CHL1: variants seen among roughly 807,000 people sequenced by gnomAD.
CHL1 encodes cell adhesion molecule L1 like, also known as neural cell adhesion molecule L1-like protein.
Under a neutral mutation model 141.9 loss-of-function variants are expected in CHL1, and 96 were observed. The observed-to-expected ratio is 0.68, with a 90% confidence interval of 0.57 to 0.80. CHL1 has a LOEUF of 0.80. Among genes scored for constraint, CHL1 ranks in the 30% least tolerant of loss-of-function variants. The pLI is 0.00. For missense variants in CHL1, 1,820 were observed against 1,457.2 expected, an observed-to-expected ratio of 1.25 and a Z score of -4.05; for synonymous variants, 613 against 502.2, an observed-to-expected ratio of 1.22 and a Z score of -2.95.
intron 8 of CHL1, among the ~76,000 whole-genome samples, chr3:343,609 A>G (rs1354197758): frequency 6.6e-6 from 1 of 152,214 alleles, no homozygotes; most frequent in Non-Finnish European, 1.5e-5. Context: ...TCTGAGTTGT[A>G]TAGCAGGCTA....
intron 2 of CHL1, among the ~76,000 whole-genome samples, chr3:257,927 T>A (rs964473042): frequency 6.6e-6 from 1 of 152,182 alleles, no homozygotes; most frequent in Non-Finnish European, 1.5e-5. Context: ...TTTGTTAACA[T>A]TGTCTCATCT....
intron 1 of CHL1, among the ~76,000 whole-genome samples, chr3:230,721 A>G (rs1300107638): frequency 1.3e-5 from 2 of 152,298 alleles, no homozygotes; most frequent in East Asian, 1.9e-4. Context: ...TTTAAAAATC[A>G]TTTTTGTATT....
intron 2 of CHL1, among the ~76,000 whole-genome samples, chr3:315,236 C>T (rs150062102): frequency 5.5e-4 from 83 of 152,278 alleles, no homozygotes; most frequent in African/African-American, 1.8e-3. Flanking sequence ...CAGCAACTAT[C>T]ACCCCAGTTT....
intron 5 of CHL1, among the ~76,000 whole-genome samples, chr3:334,585 T>C (rs994580220): frequency 6.6e-6 from 1 of 152,252 alleles, no homozygotes; most frequent in Non-Finnish European, 1.5e-5. Context: ...TGGAGGTTCA[T>C]CCATGTAGTA....
At chr3:388,117 A>G (rs1038680398) in intron 19 of CHL1, among the ~76,000 whole-genome samples, 1 of 152,262 alleles carries the variant, frequency 6.6e-6, no homozygotes, top group African/African-American at 2.4e-5. Context: ...CTTATTTTAT[A>G]TAACTGATTC....
intron 2 of CHL1, among the ~76,000 whole-genome samples, chr3:316,578 T>C (rs1700169343): frequency 6.6e-6 from 1 of 152,028 alleles, no homozygotes. Flanking sequence ...GTTGATATCA[T>C]TAATATAAGC....
chr3:215,695 C>G (rs938832911), intron 1 of CHL1, among the ~76,000 whole-genome samples: 8 of 152,048 alleles, frequency 5.3e-5, no homozygotes, highest in African/African-American at 1.9e-4. Flanking sequence ...CAAAAATTGT[C>G]ATGGGTTTGC....
At chr3:224,195 G>A (rs118121445) in intron 1 of CHL1, among the ~76,000 whole-genome samples, 1,563 of 152,224 alleles carry the variant, frequency 0.01, 42 homozygotes, top group East Asian at 0.057. Context: ...GGAGGGAGTA[G>A]TTTGGGGAAG....
chr3:344,819 A>G, intron 9 of CHL1, 110 bp downstream of exon 9: 1 of 1,152,668 alleles, frequency 8.7e-7, no homozygotes, highest in Non-Finnish European at 1.2e-6. Context: ...TTATTTCCTT[A>G]AAAAAATTAA....
intron 5 of CHL1, among the ~76,000 whole-genome samples, chr3:338,870 G>A (rs1702143126): frequency 6.6e-6 from 1 of 152,164 alleles, no homozygotes; most frequent in South Asian, 2.1e-4. Flanking sequence ...TAATGCTTCA[G>A]TGGCAGTACT....
chr3:301,858 A>T (rs1698767446), intron 2 of CHL1, among the ~76,000 whole-genome samples: 1 of 152,178 alleles, frequency 6.6e-6, no homozygotes, highest in South Asian at 2.1e-4. Flanking sequence ...CCATCAACCC[A>T]TCACCTACAT....
intron 2 of CHL1, among the ~76,000 whole-genome samples, chr3:287,950 T>C (rs1697319678): frequency 6.6e-6 from 1 of 152,132 alleles, no homozygotes; most frequent in South Asian, 2.1e-4. Flanking sequence ...GTATTTTTAG[T>C]AGAGATGGGG....
intron 1 of CHL1, among the ~76,000 whole-genome samples, chr3:241,839 G>GA (rs557146580): frequency 2.8e-4 from 41 of 146,822 alleles, no homozygotes; most frequent in East Asian, 9.9e-4. Flanking sequence ...AAGGGACTTT[G>GA]AAAAAAAAAC....
intron 2 of CHL1, among the ~76,000 whole-genome samples, chr3:305,551 T>C (rs1699150965): frequency 6.6e-6 from 1 of 151,982 alleles, no homozygotes; most frequent in African/African-American, 2.4e-5. Flanking sequence ...TAGTAACTTG[T>C]GATTTTTCTA....
chr3:357,601 C>T (rs1431508647), intron 11 of CHL1, among the ~76,000 whole-genome samples: 2 of 152,132 alleles, frequency 1.3e-5, no homozygotes, highest in Non-Finnish European at 2.9e-5. Flanking sequence ...TGATTTCTCA[C>T]AGGGTTGACC....
At chr3:338,328 A>G (rs909002524) in intron 5 of CHL1, among the ~76,000 whole-genome samples, 3 of 152,206 alleles carry the variant, frequency 2.0e-5, no homozygotes, top group South Asian at 2.1e-4. Flanking sequence ...ACCGAAAAAA[A>G]TATTTTTTTA....
intron 26 of CHL1, among the ~76,000 whole-genome samples, chr3:401,099 G>C (rs574605350): frequency 6.6e-6 from 1 of 151,952 alleles, no homozygotes; most frequent in African/African-American, 2.4e-5. Flanking sequence ...ACAGGGTCTT[G>C]CTTTGTTGCC....
intron 2 of CHL1, among the ~76,000 whole-genome samples, chr3:290,790 G>T (rs568720943): frequency 1.3e-5 from 2 of 152,108 alleles, no homozygotes; most frequent in East Asian, 1.9e-4. Flanking sequence ...ATTTTAATTA[G>T]CCAGGTGTGG....
At chr3:336,936 C>G (rs1290395626) in intron 5 of CHL1, among the ~76,000 whole-genome samples, 5 of 152,098 alleles carry the variant, frequency 3.3e-5, no homozygotes, top group Admixed American at 3.3e-4. Flanking sequence ...TGGATTTCAA[C>G]TGGGGAAGTT....
Sources: gnomAD v4.1 joint callset for allele counts (sites outside exome capture counted in the v4.1 genomes callset) on GRCh38, gnomAD v4.1.1 for gene constraint, MANE v1.5 for transcripts, NCBI Gene and HGNC (gene_info 2026-07-23, HGNC 2026-07-21) for gene names.